The following AP1G1 variants were observed in gnomAD, a reference collection of about 807,000 sequenced individuals.
AP1G1 encodes AP-1 complex subunit gamma-1.
A neutral mutation model predicts 108.3 loss-of-function variants in AP1G1; 7 were observed. The ratio of observed to expected loss-of-function variants is 0.06; its 90% confidence interval spans 0.04 to 0.12. The LOEUF is 0.12. Among genes scored for constraint, AP1G1 ranks in the 10% least tolerant of loss-of-function variants. The pLI is 1.00. For synonymous variants in AP1G1, 379 were observed against 353.5 expected (o/e 1.07, Z -0.81); for missense variants, 756 against 1,010.7 (o/e 0.75, Z 3.42).
chr16:71,754,017 T>G lies in AP1G1; in HGVS notation c.1230-130A>C, dbSNP rs552820841. On this transcript the variant is annotated intron_variant, in intron 12 of 22. Transcript: ENST00000299980. ...CATCTTGGGAGGCCGAGGTGGGAGA[T>G]CACCTGAGCTCAGGAGTTCGAGACC... 5.0e-6 allele frequency: 4 copies of G among 792,148 alleles called. No individual in the cohort carries two copies. In the African/African-American group the frequency reaches 6.9e-5, roughly 14 times the overall value. The allele number at this position is 792,148 out of a possible 1,614,324, so 49.1% of individuals were successfully genotyped here.
intron 1 of AP1G1, chr16:71,807,950 C>A (rs913607967): frequency 1.6e-6 from 2 of 1,258,260 alleles, no homozygotes; most frequent in Non-Finnish European, 2.1e-6. Flanking sequence ...AAACATTTGA[C>A]AGCTCTTGCC....
At chr16:71,793,666 C>T (rs183417815) in intron 1 of AP1G1, among the ~76,000 whole-genome samples, 8 of 152,202 alleles carry the variant, frequency 5.3e-5, no homozygotes, top group Admixed American at 2.0e-4. Flanking sequence ...AACAGTACCA[C>T]AATATAGTTT....
chr16:71,747,241 G>C (rs1018139910), intron 16 of AP1G1: 2 of 152,100 alleles, frequency 1.3e-5, no homozygotes, highest in Non-Finnish European at 2.9e-5. Flanking sequence ...AGTGACCTGA[G>C]AATCTACTTT....
chr16:71,756,086 A>G lies in AP1G1; in HGVS notation c.1162T>C (p.Phe388Leu), dbSNP rs767757805. 1 of 1,613,820 alleles carries G rather than the reference A, an allele frequency of 6.2e-7. No homozygotes were observed. The change falls in exon 12 of 23, where the codon TTT becomes CTT. Residue 388 changes from phenylalanine (F) to leucine (L), a missense_variant. Coordinates refer to ENST00000299980, the MANE Select transcript of AP1G1 (RefSeq NM_001128.6). ...AATTCTGGCTCACACGAATCCAGAAAATAAAGTAATTCTTTCATCATGCCT... is the reference window on the plus strand; with the variant it reads ...AATTCTGGCTCACACGAATCCAGAAGATAAAGTAATTCTTTCATCATGCCT... ...IRGMMKELLY[F>L]LDSCEPEFKA...
intron 1 of AP1G1, among the ~76,000 whole-genome samples, chr16:71,801,137 T>C (rs891766167): frequency 6.6e-6 from 1 of 152,008 alleles, no homozygotes; most frequent in Non-Finnish European, 1.5e-5. Flanking sequence ...CGAAACCTCA[T>C]CTCTACTAAA....
At chr16:71,788,745 A>T (rs1051488252) in intron 2 of AP1G1, among the ~76,000 whole-genome samples, 1 of 151,700 alleles carries the variant, frequency 6.6e-6, no homozygotes, top group Admixed American at 6.6e-5. Flanking sequence ...ATGAGGCCTC[A>T]AAACTCCTGG....
chr16:71,764,129 A>G (rs1161016740), intron 9 of AP1G1, among the ~76,000 whole-genome samples: 2 of 152,348 alleles, frequency 1.3e-5, no homozygotes, highest in East Asian at 3.9e-4. Context: ...TATATCTACT[A>G]TATTGCTACA....
intron 1 of AP1G1, chr16:71,808,213 C>A (rs914617427): frequency 6.6e-6 from 3 of 453,108 alleles, no homozygotes; most frequent in Non-Finnish European, 9.2e-6. Flanking sequence ...ACAACATATA[C>A]ACACACACAC....
chr16:71,771,055 C>T (rs1479807761), intron 5 of AP1G1, 101 bp downstream of exon 5: 4 of 654,728 alleles, frequency 6.1e-6, no homozygotes, highest in South Asian at 4.7e-5. Flanking sequence ...AGCAGAAACG[C>T]GACTCCACTG....
intron 19 of AP1G1, among the ~76,000 whole-genome samples, chr16:71,739,550 T>C (rs981109095): frequency 1.1e-4 from 16 of 151,602 alleles, no homozygotes; most frequent in African/African-American, 3.9e-4. Context: ...TAAGAAAAAG[T>C]ACAGTCTGAG....
At chr16:71,801,395 C>T (rs1597093072) in intron 1 of AP1G1, among the ~76,000 whole-genome samples, 2 of 148,312 alleles carry the variant, frequency 1.3e-5, no homozygotes, top group African/African-American at 2.5e-5. Context: ...TTAGTAAAAA[C>T]AAAAAATTCC....
intron 1 of AP1G1, among the ~76,000 whole-genome samples, chr16:71,792,438 T>C (rs1194836043): frequency 6.6e-6 from 1 of 152,116 alleles, no homozygotes; most frequent in African/African-American, 2.4e-5. Context: ...ATTCTGAAAA[T>C]CCCAGCCCTT....
At chr16:71,774,987 C>A (rs2031722558) in intron 2 of AP1G1, among the ~76,000 whole-genome samples, 1 of 145,324 alleles carries the variant, frequency 6.9e-6, no homozygotes, top group South Asian at 2.2e-4. Context: ...TCCCAAAGTG[C>A]TGGGATTACA....
At chr16:71,761,697 C>T (rs538037964) in intron 9 of AP1G1, 130 bp from the exon 10 acceptor site, 59 of 633,390 alleles carry the variant, frequency 9.3e-5, no homozygotes, top group Admixed American at 7.4e-4. Flanking sequence ...GAGCTGGGTG[C>T]GGTGGCTCAC....
rs1461253326 is a variant in AP1G1 at position 71,782,314 on chromosome 16, C to T, written c.201+6965G>A. The stretch of plus-strand genomic sequence containing the variant: ...GAATACCTGGGATTACAGGTATCTG[C>T]CACCATGCCCGGCTAATTTTTGTAT... On this transcript the variant is annotated intron_variant, in intron 2 of 22. Coordinates refer to ENST00000299980, the MANE Select transcript of AP1G1 (RefSeq NM_001128.6). 8.6e-5 allele frequency among the ~76,000 whole-genome samples: 13 copies of T among 151,774 alleles called. No homozygotes were observed. In the East Asian group the frequency reaches 2.1e-3, roughly 25 times the overall value.
intron 19 of AP1G1, among the ~76,000 whole-genome samples, chr16:71,740,686 G>C (rs1192122994): frequency 6.6e-6 from 1 of 152,160 alleles, no homozygotes; most frequent in Non-Finnish European, 1.5e-5. Context: ...TGGATACCTT[G>C]TCTAAAAAGG....
At chr16:71,750,132 G>T in intron 14 of AP1G1, 78 bp downstream of exon 14, 3 of 1,556,792 alleles carry the variant, frequency 1.9e-6, no homozygotes, top group Non-Finnish European at 2.6e-6. Context: ...GAGAGGAGGG[G>T]GGAAAAAAAA....
At chr16:71,758,416 A>G (rs1239047956) in intron 11 of AP1G1, 1 of 521,970 alleles carries the variant, frequency 1.9e-6, no homozygotes, top group Non-Finnish European at 3.8e-6. Context: ...TGCTGTCAGC[A>G]GTTTGAGTGT....
intron 1 of AP1G1, among the ~76,000 whole-genome samples, chr16:71,794,722 T>C (rs1424620531): frequency 6.6e-6 from 1 of 151,032 alleles, no homozygotes; most frequent in African/African-American, 2.4e-5. Context: ...TCAATTCTCC[T>C]AAAATTTATG....
Sources: gnomAD v4.1 joint callset for allele counts (sites outside exome capture counted in the v4.1 genomes callset) on GRCh38, gnomAD v4.1.1 for gene constraint, MANE v1.5 for transcripts, NCBI Gene and HGNC (gene_info 2026-07-23, HGNC 2026-07-21) for gene names.